The following OPCML variants were observed in gnomAD, a reference collection of about 807,000 sequenced individuals.
OPCML encodes the protein opioid binding protein/cell adhesion molecule like.
A neutral mutation model predicts 37.8 loss-of-function variants in OPCML; 13 were observed. That is an observed-to-expected ratio of 0.34 (90% confidence interval 0.22 to 0.55). The LOEUF is 0.55. Ranked by LOEUF, OPCML falls within the 20% of genes least tolerant of loss-of-function variation. OPCML has a pLI of 0.91. For missense variants in OPCML, 341 were observed against 435.6 expected, an observed-to-expected ratio of 0.78 and a Z score of 1.93; for synonymous variants, 176 against 168.8, an observed-to-expected ratio of 1.04 and a Z score of -0.33.
chr11:132,760,886 T>C (rs1454228443), intron 2 of OPCML, among the ~76,000 whole-genome samples: 13 of 152,202 alleles, frequency 8.5e-5, no homozygotes, highest in Non-Finnish European at 1.5e-4. Context: ...GCAGTTTCTT[T>C]ACAGTGTCGA....
chr11:133,176,685 C>A (rs1937605862), intron 1 of OPCML, among the ~76,000 whole-genome samples: 3 of 152,172 alleles, frequency 2.0e-5, no homozygotes. Context: ...TGAGGCCTCA[C>A]CAGAAGCTGA....
intron 1 of OPCML, among the ~76,000 whole-genome samples, chr11:133,010,346 T>G (rs1311331033): frequency 6.6e-6 from 1 of 152,216 alleles, no homozygotes; most frequent in East Asian, 1.9e-4. Flanking sequence ...AATGGATAAT[T>G]TGTGAATAAA....
chr11:133,233,706 G>C (rs890369548), intron 1 of OPCML, among the ~76,000 whole-genome samples: 13 of 152,094 alleles, frequency 8.5e-5, no homozygotes, highest in Non-Finnish European at 1.9e-4. Flanking sequence ...ACTTCATTAG[G>C]GTTTTCACTT....
chr11:133,499,095 C>T (rs534633713), intron 1 of OPCML, among the ~76,000 whole-genome samples: 53 of 152,250 alleles, frequency 3.5e-4, no homozygotes, highest in Non-Finnish European at 7.1e-4. Flanking sequence ...CACTGAAGGA[C>T]GGTGACACAA....
intron 1 of OPCML, among the ~76,000 whole-genome samples, chr11:133,061,608 G>A (rs556898650): frequency 1.2e-4 from 18 of 152,200 alleles, no homozygotes; most frequent in Admixed American, 6.5e-4. Context: ...ATTTCACCAC[G>A]TGTCCTACCT....
chr11:133,099,797 C>A (rs1290069675), intron 1 of OPCML, among the ~76,000 whole-genome samples: 1 of 152,064 alleles, frequency 6.6e-6, no homozygotes, highest in East Asian at 1.9e-4. Context: ...GTTCAAGTTC[C>A]TTATAGATTC....
chr11:132,847,636 C>T lies in OPCML; in HGVS notation c.146+95290G>A, dbSNP rs1244271574. Among the ~76,000 whole-genome samples, 4 of 152,198 alleles carry T rather than the reference C, an allele frequency of 2.6e-5. No individual in the cohort carries two copies. The East Asian group carries it at 7.7e-4, about 29-fold the overall frequency. On this transcript the variant is annotated intron_variant, in intron 2 of 7. Coordinates refer to ENST00000524381, the MANE Select transcript of OPCML (RefSeq NM_001012393.5). Reference sequence around the variant, plus strand: ...TTGGATCTTCACAACAAGTTTCTCACTCTCTTTCAGGAATCTCAGATACCA... The same window carrying T: ...TTGGATCTTCACAACAAGTTTCTCATTCTCTTTCAGGAATCTCAGATACCA...
intron 1 of OPCML, among the ~76,000 whole-genome samples, chr11:133,258,155 C>A (rs539560947): frequency 1.3e-5 from 2 of 152,226 alleles, no homozygotes; most frequent in East Asian, 3.9e-4. Flanking sequence ...CTTATGCAGG[C>A]AAGTCACTGG....
intron 1 of OPCML, among the ~76,000 whole-genome samples, chr11:133,136,025 G>A (rs1357385072): frequency 6.6e-6 from 1 of 152,112 alleles, no homozygotes; most frequent in Non-Finnish European, 1.5e-5. Flanking sequence ...CTGATAGTTC[G>A]TTCTTCACCC....
chr11:132,460,606 G>C (rs2096098016), intron 4 of OPCML, among the ~76,000 whole-genome samples: 1 of 152,096 alleles, frequency 6.6e-6, no homozygotes, highest in Non-Finnish European at 1.5e-5. Context: ...TGATGGCAAA[G>C]AAGAATAAGA....
At chr11:133,100,543 CT>C (rs1397891602) in intron 1 of OPCML, among the ~76,000 whole-genome samples, 2 of 152,140 alleles carry the variant, frequency 1.3e-5, no homozygotes, top group Non-Finnish European at 2.9e-5. Flanking sequence ...AGTTGGAGGA[CT>C]GACACTACCT....
At chr11:132,779,056 C>T (rs1456582078) in intron 2 of OPCML, among the ~76,000 whole-genome samples, 3 of 150,716 alleles carry the variant, frequency 2.0e-5, no homozygotes, top group African/African-American at 7.3e-5. Flanking sequence ...CAACCTCCAC[C>T]TCGGGGGTTC....
chr11:133,038,202 T>C (rs1036166184), intron 1 of OPCML, among the ~76,000 whole-genome samples: 1 of 152,228 alleles, frequency 6.6e-6, no homozygotes, highest in African/African-American at 2.4e-5. Flanking sequence ...TGGCCCTGTC[T>C]GTCCCTTCCC....
chr11:132,990,218 G>A, intron 1 of OPCML, among the ~76,000 whole-genome samples: 1 of 152,188 alleles, frequency 6.6e-6, no homozygotes, highest in East Asian at 1.9e-4. Context: ...CCTAGTGGGT[G>A]CCTACAGGGC....
intron 3 of OPCML, among the ~76,000 whole-genome samples, chr11:132,650,781 G>A (rs1941392089): frequency 6.6e-6 from 1 of 152,134 alleles, no homozygotes; most frequent in Non-Finnish European, 1.5e-5. Flanking sequence ...CTGCTGGCCT[G>A]TCCTGTTGTT....
intron 1 of OPCML, among the ~76,000 whole-genome samples, chr11:133,247,548 CTTTCT>C (rs779827507): frequency 1.6e-5 from 2 of 122,766 alleles, no homozygotes; most frequent in Non-Finnish European, 3.7e-5. Context: ...CTTTTTCTTT[CTTTCT>C]TTCTTTCTTT....
At chr11:132,859,817 T>G (rs1468291261) in intron 2 of OPCML, among the ~76,000 whole-genome samples, 1 of 152,210 alleles carries the variant, frequency 6.6e-6, no homozygotes, top group Admixed American at 6.5e-5. Context: ...CACATGTTCT[T>G]AATTTTGTAA....
intron 2 of OPCML, among the ~76,000 whole-genome samples, chr11:132,855,504 C>T (rs1942019198): frequency 1.3e-5 from 2 of 152,216 alleles, no homozygotes; most frequent in African/African-American, 4.8e-5. Context: ...GTGCAGCAGG[C>T]ATGAAGACCA....
At chr11:133,382,110 G>A (rs968179738) in intron 1 of OPCML, among the ~76,000 whole-genome samples, 1 of 152,230 alleles carries the variant, frequency 6.6e-6, no homozygotes, top group Non-Finnish European at 1.5e-5. Flanking sequence ...GTTTGGGGAG[G>A]CGGAGGGATG....
Sources: gnomAD v4.1 joint callset for allele counts (sites outside exome capture counted in the v4.1 genomes callset) on GRCh38, gnomAD v4.1.1 for gene constraint, MANE v1.5 for transcripts, NCBI Gene and HGNC (gene_info 2026-07-23, HGNC 2026-07-21) for gene names.